RARB: variants seen among roughly 807,000 people sequenced by gnomAD.
RARB encodes the protein HBV-activated protein.
RARB carries 17 observed loss-of-function variants against 51.9 expected under a neutral mutation model. That is an observed-to-expected ratio of 0.33 (90% confidence interval 0.22 to 0.49). The LOEUF (loss-of-function observed/expected upper bound fraction) is 0.49, where lower values mean the gene tolerates loss of function less well. Ranked by LOEUF, RARB falls within the 20% of genes least tolerant of loss-of-function variation. RARB has a pLI of 0.99. For synonymous variants in RARB, 215 were observed against 195.4 expected (o/e 1.10, Z -0.84); for missense variants, 369 against 550.8 (o/e 0.67, Z 3.30).
Position 25,549,931 on chromosome 3 carries a change from A to G in RARB, c.449-19827A>G, listed in dbSNP as rs149102127. Among the ~76,000 whole-genome samples the G allele has an allele frequency of 5.5e-3, 841 of 152,052 alleles. 6 individuals are homozygous for G. Among genetic ancestry groups the G allele is most frequent in the African/African-American group, 0.019 (802 of 41,478 alleles). On this transcript the variant is annotated intron_variant, in intron 3 of 7. Coordinates refer to ENST00000330688, the MANE Select transcript of RARB (RefSeq NM_000965.5). Reference sequence around the variant, plus strand: ...GTCTCTCTCTCTCTCAGCTTTTGTGATCTCACCATATCTGAGATTTTCTAT... The same window carrying G: ...GTCTCTCTCTCTCTCAGCTTTTGTGGTCTCACCATATCTGAGATTTTCTAT...
At chr3:25,253,958 A>G (rs1702795105) in intron 5 of RARB, among the ~76,000 whole-genome samples, 1 of 152,184 alleles carries the variant, frequency 6.6e-6, no homozygotes. Context: ...CTAAAAGAAT[A>G]AAAGGATATC....
intron 5 of RARB, among the ~76,000 whole-genome samples, chr3:25,268,615 G>C (rs1331326892): frequency 6.6e-6 from 1 of 152,110 alleles, no homozygotes; most frequent in Non-Finnish European, 1.5e-5. Flanking sequence ...TGCCTTCCTT[G>C]TTGTACAAAC....
chr3:24,910,881 G>C (rs995183683), intron 2 of RARB, among the ~76,000 whole-genome samples: 2 of 152,188 alleles, frequency 1.3e-5, no homozygotes, highest in African/African-American at 2.4e-5. Flanking sequence ...AGGGAGGCTA[G>C]TAGTCTAGCT....
At chr3:25,344,699 G>A (rs1307618118) in intron 5 of RARB, among the ~76,000 whole-genome samples, 2 of 152,274 alleles carry the variant, frequency 1.3e-5, no homozygotes, top group Admixed American at 6.5e-5. Context: ...AACAACTTTG[G>A]TCTGTAAAGT....
intron 2 of RARB, among the ~76,000 whole-genome samples, chr3:25,055,821 A>T (rs182625628): frequency 6.6e-6 from 1 of 152,088 alleles, no homozygotes; most frequent in Non-Finnish European, 1.5e-5. Context: ...AACCTCCTCT[A>T]TGCAGCAAGC....
At chr3:25,109,550 T>A (rs1456479242) in intron 3 of RARB, among the ~76,000 whole-genome samples, 1 of 152,200 alleles carries the variant, frequency 6.6e-6, no homozygotes, top group African/African-American at 2.4e-5. Flanking sequence ...ATATGCTGGT[T>A]ATTAAAATAT....
chr3:25,503,149 A>C (rs1447090069), intron 3 of RARB, among the ~76,000 whole-genome samples: 2 of 152,198 alleles, frequency 1.3e-5, no homozygotes, highest in Non-Finnish European at 2.9e-5. Context: ...AGAGCCATTG[A>C]GTTACTCAAA....
At chr3:25,491,351 T>G (rs190950436) in intron 2 of RARB, among the ~76,000 whole-genome samples, 1 of 152,282 alleles carries the variant, frequency 6.6e-6, no homozygotes, top group East Asian at 1.9e-4. Context: ...CTGTAAGGTT[T>G]TTCTTTCTAG....
At chr3:25,253,627 C>A (rs909277798) in intron 5 of RARB, among the ~76,000 whole-genome samples, 2 of 151,978 alleles carry the variant, frequency 1.3e-5, no homozygotes, top group African/African-American at 4.8e-5. Flanking sequence ...GATGAATAAA[C>A]AACTCAAGAA....
At chr3:24,935,518 G>A (rs1484580171) in intron 2 of RARB, among the ~76,000 whole-genome samples, 1 of 152,160 alleles carries the variant, frequency 6.6e-6, no homozygotes, top group African/African-American at 2.4e-5. Context: ...TTTCACAGCA[G>A]AAGTGGGCTT....
chr3:25,469,289 G>T (rs1695584414), intron 2 of RARB, among the ~76,000 whole-genome samples: 1 of 152,194 alleles, frequency 6.6e-6, no homozygotes, highest in Non-Finnish European at 1.5e-5. Context: ...TGAGCTTAAT[G>T]ATTTTATTTG....
At chr3:25,517,159 GGGTT>G (rs1156614161) in intron 3 of RARB, among the ~76,000 whole-genome samples, 7 of 152,194 alleles carry the variant, frequency 4.6e-5, no homozygotes, top group Non-Finnish European at 7.4e-5. Context: ...AAAACTAATG[GGGTT>G]GGTTATCTCT....
chr3:25,507,603 G>A (rs1470074546), intron 3 of RARB, among the ~76,000 whole-genome samples: 1 of 152,198 alleles, frequency 6.6e-6, no homozygotes, highest in African/African-American at 2.4e-5. Context: ...AGGCTGAGCT[G>A]AGCAGGTGTC....
chr3:25,437,883 G>C (rs1261656722), intron 1 of RARB, among the ~76,000 whole-genome samples: 2 of 152,180 alleles, frequency 1.3e-5, no homozygotes, highest in Non-Finnish European at 2.9e-5. Context: ...GGATGGGTTT[G>C]ATTCTATTGG....
At chr3:25,224,533 TTC>T (rs1363282543) in intron 5 of RARB, among the ~76,000 whole-genome samples, 1 of 152,204 alleles carries the variant, frequency 6.6e-6, no homozygotes, top group African/African-American at 2.4e-5. Context: ...TTAAGATGTT[TTC>T]TCTCTGCAAA....
At chr3:25,540,110 CT>C (rs1381248094) in intron 3 of RARB, among the ~76,000 whole-genome samples, 1 of 152,038 alleles carries the variant, frequency 6.6e-6, no homozygotes, top group African/African-American at 2.4e-5. Flanking sequence ...ATGCTAAGTC[CT>C]TTTCATATGT....
At chr3:25,327,725 T>A (rs1487661619) in intron 5 of RARB, among the ~76,000 whole-genome samples, 1 of 152,202 alleles carries the variant, frequency 6.6e-6, no homozygotes, top group African/African-American at 2.4e-5. Flanking sequence ...AATGAGATGA[T>A]GAGAAACGGT....
At chr3:25,087,311 G>A (rs1477552757) in intron 3 of RARB, among the ~76,000 whole-genome samples, 1 of 152,088 alleles carries the variant, frequency 6.6e-6, no homozygotes, top group African/African-American at 2.4e-5. Context: ...TTGATTGGGA[G>A]CTTAGAATTT....
chr3:25,344,625 A>C (rs766196865), intron 5 of RARB, among the ~76,000 whole-genome samples: 2 of 152,148 alleles, frequency 1.3e-5, no homozygotes, highest in African/African-American at 4.8e-5. Flanking sequence ...CCAAGATGGG[A>C]CCCCTAAAGC....
Sources: gnomAD v4.1 joint callset for allele counts (sites outside exome capture counted in the v4.1 genomes callset) on GRCh38, gnomAD v4.1.1 for gene constraint, MANE v1.5 for transcripts, NCBI Gene and HGNC (gene_info 2026-07-23, HGNC 2026-07-21) for gene names.